SLC67A1: variants seen among roughly 807,000 people sequenced by gnomAD.
SLC67A1 encodes the protein solute carrier family 67 member 1, also known as solute carrier family 67 member A1.
chr11:2,924,891 G>T, the SLC67A1 span: 2 of 851,226 alleles, frequency 2.3e-6, no homozygotes, highest in Non-Finnish European at 3.6e-6. The surrounding 1 kb of genome is among the most constrained non-coding windows in gnomAD (Gnocchi z 8.6). Flanking sequence ...TGCAAGGTGC[G>T]GACTGCGCCG....
the SLC67A1 span, chr11:2,922,162 C>G: frequency 6.2e-7 from 1 of 1,613,642 alleles, no homozygotes; most frequent in Non-Finnish European, 8.5e-7. Flanking sequence ...GGTGCTGCTC[C>G]GGGCCAGCGT....
At chr11:2,916,488 G>A in the SLC67A1 span, 2 of 685,960 alleles carry the variant, frequency 2.9e-6, no homozygotes, top group African/African-American at 3.6e-5. Context: ...CACTCTTTAG[G>A]CCACAGACTG....
At chr11:2,903,053 G>A in the SLC67A1 span, 10 of 474,900 alleles carry the variant, frequency 2.1e-5, no homozygotes, top group African/African-American at 3.9e-5. Context: ...GGGGTCGGGG[G>A]GAGCAGCTTG....
chr11:2,922,580 C>T, the SLC67A1 span: 2 of 1,603,816 alleles, frequency 1.2e-6, no homozygotes, highest in African/African-American at 1.4e-5. Flanking sequence ...GCGAGTGGAG[C>T]AGCCTCCTCC....
the SLC67A1 span, chr11:2,902,982 A>C: frequency 3.9e-6 from 1 of 254,206 alleles, no homozygotes; most frequent in Non-Finnish European, 7.3e-6. Flanking sequence ...CCTCCCTCTA[A>C]AAGTGGGGCA....
chr11:2,903,790 C>G, the SLC67A1 span: 9 of 418,530 alleles, frequency 2.2e-5, no homozygotes, highest in Non-Finnish European at 4.0e-5. Flanking sequence ...CCTCCTGCCT[C>G]TCACCCGGCA....
At chr11:2,908,292 C>T in the SLC67A1 span, 1 of 1,613,790 alleles carries the variant, frequency 6.2e-7, no homozygotes, top group Non-Finnish European at 8.5e-7. Context: ...AAACCACCTT[C>T]GGGGTGCTGC....
At chr11:2,908,431 A>C in the SLC67A1 span, 3 of 793,232 alleles carry the variant, frequency 3.8e-6, no homozygotes, top group Admixed American at 2.8e-5. Flanking sequence ...CCCACACCGG[A>C]CCCCCCTGGG....
chr11:2,915,758 G>C, the SLC67A1 span, among the ~76,000 whole-genome samples: 1 of 152,338 alleles, frequency 6.6e-6, no homozygotes, highest in African/African-American at 2.4e-5. Context: ...CCTTACAGAC[G>C]AGCTCAGTAG....
At chr11:2,925,109 T>C in the SLC67A1 span, 2 of 1,613,866 alleles carry the variant, frequency 1.2e-6, no homozygotes, top group Non-Finnish European at 1.7e-6. This position sits in a 1 kb window ranked among gnomAD's most constrained non-coding sequence, Gnocchi z 6.5. Context: ...GTCCCCGTCT[T>C]CGGCCACGTG....
chr11:2,922,735 T>C, the SLC67A1 span, among the ~76,000 whole-genome samples: 4 of 130,718 alleles, frequency 3.1e-5, no homozygotes, highest in African/African-American at 1.3e-4. Context: ...ATGAGTAAGG[T>C]GGGGAGCCTG....
At chr11:2,925,205 CCAGA>C in the SLC67A1 span, 2 of 1,610,764 alleles carry the variant, frequency 1.2e-6, no homozygotes, top group Non-Finnish European at 8.5e-7. This position sits in a 1 kb window ranked among gnomAD's most constrained non-coding sequence, Gnocchi z 6.5. Flanking sequence ...TGACCGCTGC[CCAGA>C]CACAGACTGG....
At chr11:2,900,336 C>G in the SLC67A1 span, among the ~76,000 whole-genome samples, 1 of 152,092 alleles carries the variant, frequency 6.6e-6, no homozygotes, top group Non-Finnish European at 1.5e-5. Flanking sequence ...GGACAAAAGG[C>G]ATTTGGTCCC....
At chr11:2,916,532 A>G in the SLC67A1 span, 2 of 916,384 alleles carry the variant, frequency 2.2e-6, no homozygotes, top group Non-Finnish European at 1.7e-6. Flanking sequence ...AAGCTATTTT[A>G]GTGCAACCAA....
chr11:2,917,357 A>G, the SLC67A1 span, among the ~76,000 whole-genome samples: 1 of 152,330 alleles, frequency 6.6e-6, no homozygotes, highest in Non-Finnish European at 1.5e-5. Flanking sequence ...CTGGGGCAGG[A>G]GGCTGTCATG....
At chr11:2,922,500 C>T in the SLC67A1 span, 5 of 1,612,942 alleles carry the variant, frequency 3.1e-6, no homozygotes, top group Middle Eastern at 1.6e-4. Context: ...AGCCTCTGCA[C>T]CCTCAACGTG....
the SLC67A1 span, chr11:2,920,853 A>ACACCACTG: frequency 2.0e-5 from 3 of 152,208 alleles, no homozygotes; most frequent in Non-Finnish European, 4.4e-5. Flanking sequence ...CCTGGATCTG[A>ACACCACTG]AGTCCTTCAC....
the SLC67A1 span, among the ~76,000 whole-genome samples, chr11:2,902,903 A>C: frequency 6.6e-6 from 1 of 152,196 alleles, no homozygotes; most frequent in African/African-American, 2.4e-5. Context: ...ACAGGGACCC[A>C]CATCAGCCCT....
chr11:2,910,950 T>C, the SLC67A1 span, among the ~76,000 whole-genome samples: 1 of 152,140 alleles, frequency 6.6e-6, no homozygotes, highest in African/African-American at 2.4e-5. Flanking sequence ...CAAGTGTGGA[T>C]GGCTCGGAGC....
Sources: allele counts gnomAD v4.1 joint callset (sites outside exome capture counted in the v4.1 genomes callset), GRCh38; gene constraint gnomAD v4.1.1; non-coding constraint Gnocchi (gnomAD v3.1); transcripts MANE v1.5; gene names NCBI Gene and HGNC (gene_info 2026-07-23, HGNC 2026-07-21).